The following ST6GAL2 variants were observed in gnomAD, a reference collection of about 807,000 sequenced individuals.
ST6GAL2 encodes ST6 beta-galactoside alpha-2,6-sialyltransferase 2.
ST6GAL2 carries 24 observed loss-of-function variants against 37.5 expected under a neutral mutation model. The observed-to-expected ratio is 0.64, with a 90% CI of 0.46 to 0.90. The LOEUF is 0.90. Among genes scored for constraint, ST6GAL2 ranks in the 40% least tolerant of loss-of-function variants. ST6GAL2 has a pLI of 0.00. For missense variants in ST6GAL2, 715 were observed against 712.7 expected, an observed-to-expected ratio of 1.00 and a Z score of -0.04; for synonymous variants, 306 against 295.1, an observed-to-expected ratio of 1.04 and a Z score of -0.38.
chr2:106,830,281 A>T (rs780825046), intron 4 of ST6GAL2, 41 bp from the exon 5 acceptor site: 4 of 1,559,736 alleles, frequency 2.6e-6, no homozygotes, highest in Middle Eastern at 1.7e-4. Context: ...AGAAAGAACT[A>T]AACTATGAAA....
chr2:106,872,543 G>A (rs539771657), intron 1 of ST6GAL2, among the ~76,000 whole-genome samples: 11 of 152,264 alleles, frequency 7.2e-5, no homozygotes, highest in African/African-American at 2.2e-4. Flanking sequence ...TGTGTCTAAC[G>A]TAAATGGAGA....
At chr2:106,818,661 A>G (rs1322658320) in intron 5 of ST6GAL2, among the ~76,000 whole-genome samples, 1 of 152,188 alleles carries the variant, frequency 6.6e-6, no homozygotes, top group African/African-American at 2.4e-5. Context: ...AATAATACCT[A>G]ACACTTGAAT....
chr2:106,823,468 CACACACACACACACACACAGAG>C (rs1676080967), intron 5 of ST6GAL2, among the ~76,000 whole-genome samples: 1 of 96,152 alleles, frequency 1.0e-5, no homozygotes. Context: ...CACACACACA[CACACACACACACACACACAGAG>C]AGAGAGAGAG....
chr2:106,857,206 G>A (rs557600220), intron 1 of ST6GAL2, among the ~76,000 whole-genome samples: 1 of 152,322 alleles, frequency 6.6e-6, no homozygotes, highest in South Asian at 2.1e-4. Flanking sequence ...TGCTTTTTAT[G>A]ATGGGATACA....
In ST6GAL2 at chr2:106,878,683, T is replaced by C. The variant is rs6738661; in HGVS notation, c.-58+7410A>G. On this transcript the variant is annotated intron_variant, in intron 1 of 5. Coordinates refer to ENST00000409382, the MANE Select transcript of ST6GAL2 (RefSeq NM_001142351.2). Reference sequence around the variant, plus strand: ...GGTACTATAAGTAACCTAGAAACAATTGATTTAAAATATACAGGAGAATCT... The same window carrying C: ...GGTACTATAAGTAACCTAGAAACAACTGATTTAAAATATACAGGAGAATCT... Among the ~76,000 whole-genome samples, 1,389 of 152,298 alleles carry C rather than the reference T, an allele frequency of 9.1e-3. 17 individuals carry two copies. Among genetic ancestry groups the C allele is most frequent in the African/African-American group, 0.03 (1,249 of 41,554 alleles).
intron 5 of ST6GAL2, among the ~76,000 whole-genome samples, chr2:106,820,218 C>T (rs527242223): frequency 6.6e-6 from 1 of 152,068 alleles, no homozygotes; most frequent in South Asian, 2.1e-4. Context: ...CTATTGCCTA[C>T]AAGAAACACA....
chr2:106,844,458 G>T (rs1573263377), intron 1 of ST6GAL2, among the ~76,000 whole-genome samples: 1 of 152,110 alleles, frequency 6.6e-6, no homozygotes, highest in East Asian at 1.9e-4. Context: ...TGCCCCTTTT[G>T]TCTGCCTATC....
At chr2:106,876,987 G>A (rs6704873) in intron 1 of ST6GAL2, among the ~76,000 whole-genome samples, 133,519 of 151,980 alleles carry the variant, frequency 0.88, 58,783 homozygotes, top group East Asian at 1. Context: ...CTATTTAGAG[G>A]AAAAAAAAGG....
chr2:106,808,325 G>C (rs919583549), intron 5 of ST6GAL2, among the ~76,000 whole-genome samples: 4 of 152,186 alleles, frequency 2.6e-5, no homozygotes, highest in Non-Finnish European at 5.9e-5. Context: ...TCCAGAGTCA[G>C]CAAGGATAGC....
intron 1 of ST6GAL2, among the ~76,000 whole-genome samples, chr2:106,845,038 T>G (rs1158371760): frequency 6.6e-6 from 1 of 152,162 alleles, no homozygotes; most frequent in East Asian, 1.9e-4. Flanking sequence ...GAATAATAAC[T>G]AAGCTTGCTG....
chr2:106,854,454 G>T (rs1428130897), intron 1 of ST6GAL2, among the ~76,000 whole-genome samples: 2 of 152,144 alleles, frequency 1.3e-5, no homozygotes, highest in Admixed American at 1.3e-4. Flanking sequence ...AGTGGAAAAG[G>T]TGGCATAACA....
chr2:106,815,536 G>A (rs1356214269), intron 5 of ST6GAL2, among the ~76,000 whole-genome samples: 1 of 152,208 alleles, frequency 6.6e-6, no homozygotes, highest in Non-Finnish European at 1.5e-5. Flanking sequence ...AGGTCTTAAT[G>A]AAAGAACAGT....
chr2:106,878,222 G>A (rs966820744), intron 1 of ST6GAL2, among the ~76,000 whole-genome samples: 4 of 152,208 alleles, frequency 2.6e-5, no homozygotes, highest in East Asian at 3.8e-4. Flanking sequence ...CCAGCACTTT[G>A]GGGGTTGAGG....
chr2:106,850,833 TAAAG>T (rs923400862), intron 1 of ST6GAL2, among the ~76,000 whole-genome samples: 1 of 152,176 alleles, frequency 6.6e-6, no homozygotes, highest in Admixed American at 6.5e-5. Context: ...TTATACAACT[TAAAG>T]AAAGTCGTCG....
intron 4 of ST6GAL2, among the ~76,000 whole-genome samples, chr2:106,830,967 G>A (rs80082393): frequency 6.6e-6 from 1 of 152,258 alleles, no homozygotes; most frequent in East Asian, 1.9e-4. Flanking sequence ...AATCAATAAA[G>A]ATGTTTTCTA....
At chr2:106,818,347 C>T (rs77424241) in intron 5 of ST6GAL2, among the ~76,000 whole-genome samples, 4,761 of 152,214 alleles carry the variant, frequency 0.031, 90 homozygotes, top group South Asian at 0.087. Flanking sequence ...TCCCCCCTTC[C>T]CCACTCTAGG....
chr2:106,861,334 C>G (rs996809191), intron 1 of ST6GAL2, among the ~76,000 whole-genome samples: 1 of 152,198 alleles, frequency 6.6e-6, no homozygotes, highest in Non-Finnish European at 1.5e-5. Flanking sequence ...CTATAGAAAT[C>G]TCTTTCTCCC....
intron 1 of ST6GAL2, among the ~76,000 whole-genome samples, chr2:106,860,071 G>A (rs1677737078): frequency 1.3e-5 from 2 of 151,976 alleles, no homozygotes; most frequent in Non-Finnish European, 2.9e-5. Context: ...CTAGAACCCG[G>A]CTTGGCTTCC....
chr2:106,878,801 C>G (rs1678617547), intron 1 of ST6GAL2, among the ~76,000 whole-genome samples: 3 of 152,058 alleles, frequency 2.0e-5, no homozygotes, highest in Admixed American at 2.0e-4. Context: ...GAACCAATCC[C>G]CTAAGGATAC....
Sources: gnomAD v4.1 joint callset for allele counts (sites outside exome capture counted in the v4.1 genomes callset) on GRCh38, gnomAD v4.1.1 for gene constraint, MANE v1.5 for transcripts, NCBI Gene and HGNC (gene_info 2026-07-23, HGNC 2026-07-21) for gene names.